DDHD1: variants seen among roughly 807,000 people sequenced by gnomAD.
DDHD1 encodes DDHD domain containing 1.
DDHD1 carries 49 observed loss-of-function variants against 96.4 expected under a neutral mutation model. The ratio of observed to expected loss-of-function variants is 0.51; its 90% CI spans 0.40 to 0.64. DDHD1 has a LOEUF of 0.64. Among genes scored for constraint, DDHD1 ranks in the 30% least tolerant of loss-of-function variants. The pLI, the probability that DDHD1 is intolerant of heterozygous loss-of-function variation, is 0.00. For synonymous variants in DDHD1, 442 were observed against 446.5 expected (o/e 0.99, Z 0.13); for missense variants, 1,106 against 1,161.2 (o/e 0.95, Z 0.69).
chr14:53,132,428 T>C (rs758702910), intron 1 of DDHD1, among the ~76,000 whole-genome samples: 1 of 152,228 alleles, frequency 6.6e-6, no homozygotes, highest in Non-Finnish European at 1.5e-5. Flanking sequence ...GGTTTATTGA[T>C]GGTAGTTCTT....
Position 53,073,737 on chromosome 14 carries a change from A to C in DDHD1, c.1396+4T>G, listed in dbSNP as rs201355565. 5.6e-6 allele frequency: 9 copies of C among 1,601,730 alleles called. No homozygotes were observed. Among genetic ancestry groups the C allele is most frequent in the Non-Finnish European group, 7.7e-6 (9 of 1,174,338 alleles). ...TAAATCATTCAATTTTTAAATAAAT[A>C]TACCTCCATCAAGAGTAAGTTTTGA... On this transcript the variant is annotated splice_donor_region_variant and intron_variant, in intron 5 of 12. Coordinates refer to ENST00000673822, the MANE Select transcript of DDHD1 (RefSeq NM_001160148.2).
intron 4 of DDHD1, among the ~76,000 whole-genome samples, chr14:53,085,644 G>A (rs141809022): frequency 6.1e-4 from 93 of 152,198 alleles, no homozygotes; most frequent in African/African-American, 2.0e-3. Context: ...CCATCTGTAC[G>A]TCACCATCAT....
In DDHD1 at chr14:53,037,759, T is replaced by C. The variant is rs558742247; in HGVS notation, c.*9009A>G. 15 of 152,284 alleles carry C rather than the reference T, an allele frequency of 9.9e-5. No individual in the cohort carries two copies. Among genetic ancestry groups the C allele is most frequent in the African/African-American group, 3.4e-4 (14 of 41,566 alleles). The allele number at this position is 152,284 out of a possible 1,614,324, so 9.4% of individuals were successfully genotyped here. A position where few individuals can be genotyped will look rare whatever the true frequency, so the allele number is the denominator to read the frequency against. ...AGGTCCCCACTTGCCAATTTCTGTT[T>C]TGTTGCAATTGCCTTTGGGGACTTA... On this transcript the variant is annotated 3_prime_UTR_variant, in exon 13 of 13. Transcript: ENST00000673822.
Position 53,108,406 on chromosome 14 carries a change from G to A in DDHD1, c.839-4550C>T, listed in dbSNP as rs928757277. Among the ~76,000 whole-genome samples, 10 of 152,064 alleles carry A rather than the reference G, an allele frequency of 6.6e-5. No individual in the cohort carries two copies. The East Asian group carries it at 7.7e-4, about 12-fold the overall frequency. ...CCCAAGATTCCACTCCTTGGAATCC[G>A]TGAGGCCAAGAACCCCAGGTCAGAG... On this transcript the variant is annotated intron_variant, in intron 1 of 12. Coordinates refer to ENST00000673822, the MANE Select transcript of DDHD1 (RefSeq NM_001160148.2).
chr14:53,146,922 A>G (rs1891027375), intron 1 of DDHD1, among the ~76,000 whole-genome samples: 1 of 151,222 alleles, frequency 6.6e-6, no homozygotes, highest in Admixed American at 6.6e-5. Context: ...CCCTTCATCA[A>G]TGCTGACAGT....
At chr14:53,112,343 G>C (rs931151411) in intron 1 of DDHD1, among the ~76,000 whole-genome samples, 1 of 151,718 alleles carries the variant, frequency 6.6e-6, no homozygotes, top group Non-Finnish European at 1.5e-5. Flanking sequence ...CTTGAACCCA[G>C]AAGGCAGAGG....
At chr14:53,093,023 C>T (rs1886563131) in intron 3 of DDHD1, 1 of 192,398 alleles carries the variant, frequency 5.2e-6, no homozygotes, top group Admixed American at 6.2e-5. Flanking sequence ...CCTCATCTTC[C>T]TTGACACTAT....
intron 4 of DDHD1, among the ~76,000 whole-genome samples, chr14:53,083,913 G>GT (rs33965357): frequency 1.4e-3 from 218 of 151,372 alleles, no homozygotes; most frequent in African/African-American, 4.8e-3. Flanking sequence ...GGACACTTGG[G>GT]TTTTTTTTTG....
At chr14:53,078,912 A>G (rs1459271442) in intron 4 of DDHD1, among the ~76,000 whole-genome samples, 2 of 152,132 alleles carry the variant, frequency 1.3e-5, no homozygotes, top group African/African-American at 4.8e-5. Context: ...TTTTATTATG[A>G]AAGTATGTTG....
chr14:53,093,062 A>G, intron 3 of DDHD1: 1 of 223,292 alleles, frequency 4.5e-6, no homozygotes, highest in Non-Finnish European at 8.4e-6. Flanking sequence ...TAGGTTTAAC[A>G]GCTTTTGTGC....
chr14:53,057,678 C>T (rs1247249180), intron 9 of DDHD1, among the ~76,000 whole-genome samples: 1 of 152,228 alleles, frequency 6.6e-6, no homozygotes, highest in African/African-American at 2.4e-5. Flanking sequence ...CTTGTACTAA[C>T]TGTCTGGGAA....
intron 11 of DDHD1, 28 bp downstream of exon 11, chr14:53,054,410 A>C (rs374502324): frequency 1.6e-4 from 258 of 1,600,934 alleles, no homozygotes; most frequent in Admixed American, 3.4e-4. Flanking sequence ...ATACAGTATC[A>C]ACTTAAGGAA....
intron 1 of DDHD1, among the ~76,000 whole-genome samples, chr14:53,132,956 TC>T (rs1361872274): frequency 2.6e-5 from 4 of 152,140 alleles, no homozygotes; most frequent in Non-Finnish European, 4.4e-5. Context: ...ACCAATCTTT[TC>T]CCACATAAGG....
At chr14:53,076,734 C>T (rs1024004019) in intron 4 of DDHD1, among the ~76,000 whole-genome samples, 5 of 152,126 alleles carry the variant, frequency 3.3e-5, no homozygotes, top group African/African-American at 4.8e-5. Flanking sequence ...CCCCAAACTT[C>T]GGCAACTACC....
Position 53,099,142 on chromosome 14 carries a change from C to T in DDHD1, c.1012+4541G>A, listed in dbSNP as rs139501660. The stretch of plus-strand genomic sequence containing the variant: ...TTTTAATTCCTCTACTAGACTTAAA[C>T]TTTGTATTTTGGAATAATTTTAGAC... On this transcript the variant is annotated intron_variant, in intron 2 of 12. Transcript: ENST00000673822. Among the ~76,000 whole-genome samples the T allele has an allele frequency of 1.1e-3, 173 of 151,956 alleles. 1 individual carries two copies. The highest frequency in any genetic ancestry group is 3.6e-3 in the African/African-American group (150 of 41,446).
intron 12 of DDHD1, among the ~76,000 whole-genome samples, chr14:53,050,950 GA>G (rs1262917056): frequency 6.6e-6 from 1 of 151,460 alleles, no homozygotes; most frequent in Non-Finnish European, 1.5e-5. Context: ...ATTTATTTAT[GA>G]AACAGGCTGG....
chr14:53,144,035 A>T (rs1890818682), intron 1 of DDHD1, among the ~76,000 whole-genome samples: 1 of 152,224 alleles, frequency 6.6e-6, no homozygotes, highest in Non-Finnish European at 1.5e-5. Flanking sequence ...CAAATGATTC[A>T]ACCCAGTATT....
intron 4 of DDHD1, among the ~76,000 whole-genome samples, chr14:53,081,683 T>A (rs746766765): frequency 6.6e-6 from 1 of 152,196 alleles, no homozygotes; most frequent in East Asian, 1.9e-4. Context: ...GAAACCCTAA[T>A]TTTGAGTTCT....
In DDHD1 at chr14:53,152,531, T is replaced by G; in HGVS notation, c.568A>C (p.Ile190Leu). The change falls in exon 1 of 13, where the codon ATC becomes CTC. Residue 190 changes from isoleucine (I) to leucine (L), a missense_variant. Transcript: ENST00000673822. ...KPFIGYDSLR[I>L]ELAFRTLLQT... ...AGCAGGGTCCGGAAGGCGAGCTCGA[T>G]GCGGAGCGAGTCGTAGCCGATGAAG... is the stretch of plus-strand genomic sequence containing the variant. 7.4e-6 allele frequency: 12 copies of G among 1,613,456 alleles called. No individual in the cohort carries two copies. Among genetic ancestry groups the G allele is most frequent in the Non-Finnish European group, 1.0e-5 (12 of 1,179,916 alleles).
Sources: allele counts gnomAD v4.1 joint callset (sites outside exome capture counted in the v4.1 genomes callset), GRCh38; gene constraint gnomAD v4.1.1; transcripts MANE v1.5; gene names NCBI Gene and HGNC (gene_info 2026-07-23, HGNC 2026-07-21).